MAML2: variants seen among roughly 807,000 people sequenced by gnomAD.
The protein encoded by MAML2 is mastermind-like protein 2.
In MAML2, 22 loss-of-function variants were observed where a neutral mutation model predicts 96.1. That is an observed-to-expected ratio of 0.23 (90% CI 0.16 to 0.33). The LOEUF (loss-of-function observed/expected upper bound fraction) is 0.33. Among genes scored for constraint, MAML2 ranks in the 10% least tolerant of loss-of-function variants. MAML2 has a pLI of 1.00. For synonymous variants in MAML2, 561 were observed against 521.3 expected, an observed-to-expected ratio of 1.08 and a Z score of -1.04; for missense variants, 1,367 against 1,392.4, an observed-to-expected ratio of 0.98 and a Z score of 0.29.
In MAML2 at chr11:96,145,691, C is replaced by A. The variant is rs551253326; in HGVS notation, c.514-52174G>T. On this transcript the variant is annotated intron_variant, in intron 1 of 4. Transcript: ENST00000524717. ...ATTAAAGGGACTGTCCTGATAAAAT[C>A]ATGATGTGTGAGGGCTTTTAAAAAT... Among the ~76,000 whole-genome samples, 16 of 152,262 alleles carry A rather than the reference C, an allele frequency of 1.1e-4. No individual in the cohort carries two copies. The East Asian group carries it at 3.1e-3, about 29-fold the overall frequency.
At chr11:96,035,638 G>A (rs927797631) in intron 2 of MAML2, among the ~76,000 whole-genome samples, 94 of 152,190 alleles carry the variant, frequency 6.2e-4, no homozygotes, top group African/African-American at 2.2e-3. Context: ...TCAGAAGGAA[G>A]GAAGCACAGA....
At chr11:96,133,208 A>G (rs1352372377) in intron 1 of MAML2, among the ~76,000 whole-genome samples, 2 of 152,244 alleles carry the variant, frequency 1.3e-5, no homozygotes, top group Non-Finnish European at 2.9e-5. Context: ...AAAAGGAACC[A>G]TTAAAAGAAA....
chr11:96,082,410 A>C (rs1859541019), intron 2 of MAML2, among the ~76,000 whole-genome samples: 1 of 152,156 alleles, frequency 6.6e-6, no homozygotes, highest in Non-Finnish European at 1.5e-5. Context: ...AAAAGGAGTG[A>C]TTATAGCAAC....
At chr11:96,173,521 G>A (rs1372159261) in intron 1 of MAML2, among the ~76,000 whole-genome samples, 1 of 152,130 alleles carries the variant, frequency 6.6e-6, no homozygotes, top group Non-Finnish European at 1.5e-5. Flanking sequence ...AAACGGGTAG[G>A]ACACTAAGAG....
At chr11:96,115,311 G>A (rs571702334) in intron 1 of MAML2, among the ~76,000 whole-genome samples, 68 of 151,994 alleles carry the variant, frequency 4.5e-4, no homozygotes, top group African/African-American at 1.5e-3. Context: ...CTACAGGTGT[G>A]TACCATCATG....
intron 1 of MAML2, among the ~76,000 whole-genome samples, chr11:96,165,400 A>G (rs1861175447): frequency 6.6e-6 from 1 of 152,206 alleles, no homozygotes; most frequent in African/African-American, 2.4e-5. Flanking sequence ...ACACACTTTA[A>G]GAACCAAAGT....
intron 1 of MAML2, among the ~76,000 whole-genome samples, chr11:96,252,856 A>G (rs1042179447): frequency 6.6e-6 from 1 of 152,232 alleles, no homozygotes; most frequent in Admixed American, 6.5e-5. Context: ...CCTATGAGAA[A>G]AGCAGTTTAA....
chr11:96,021,194 T>C (rs762508186), intron 2 of MAML2, among the ~76,000 whole-genome samples: 1 of 152,216 alleles, frequency 6.6e-6, no homozygotes, highest in Non-Finnish European at 1.5e-5. Flanking sequence ...CTTGTCACAC[T>C]GTATAGGTTT....
At chr11:96,267,174 T>G (rs1033565183) in intron 1 of MAML2, among the ~76,000 whole-genome samples, 19 of 152,132 alleles carry the variant, frequency 1.2e-4, no homozygotes, top group African/African-American at 4.6e-4. Context: ...AAAACAATAG[T>G]GGAGTCAGTG....
At chr11:95,981,930 C>G (rs1395166125) in intron 4 of MAML2, among the ~76,000 whole-genome samples, 6 of 152,050 alleles carry the variant, frequency 3.9e-5, no homozygotes, top group Non-Finnish European at 7.4e-5. Flanking sequence ...TCTTTTTAAA[C>G]AACCAGAATA....
At position 95,978,982 on chromosome 11, in the gene MAML2, A is replaced by T; in HGVS notation, c.3437T>A (p.Ile1146Asn). The stretch of plus-strand genomic sequence containing the variant: ...GTTCCCCAAGATTTCATCAAGATTG[A>T]TGTCTTTCATCCAGTCATCATTACC... Reference protein sequence around the residue: ...EPGNDDWMKDINLDEILGNNS With the variant: ...EPGNDDWMKDNNLDEILGNNS Residue 1146 changes from isoleucine (I) to asparagine (N), a missense_variant, in exon 5 of 5, where the codon ATC becomes AAC. Coordinates refer to ENST00000524717, the MANE Select transcript of MAML2 (RefSeq NM_032427.4). 4 of 1,611,498 alleles carry T rather than the reference A, an allele frequency of 2.5e-6. No homozygotes were observed. Among genetic ancestry groups the T allele is most frequent in the Non-Finnish European group, 3.4e-6 (4 of 1,179,144 alleles).
intron 2 of MAML2, among the ~76,000 whole-genome samples, chr11:96,068,490 G>GGA (rs139120762): frequency 7.9e-4 from 64 of 81,238 alleles, no homozygotes; most frequent in African/African-American, 1.9e-3. Flanking sequence ...AGGGAGGGAG[G>GGA]GAGAGAGAGA....
At chr11:96,261,136 C>T (rs980099061) in intron 1 of MAML2, among the ~76,000 whole-genome samples, 2 of 152,102 alleles carry the variant, frequency 1.3e-5, no homozygotes, top group South Asian at 4.1e-4. Context: ...CATGAAGGCT[C>T]TGTCCTCATA....
At chr11:96,240,569 A>C (rs949065612) in intron 1 of MAML2, among the ~76,000 whole-genome samples, 2 of 146,026 alleles carry the variant, frequency 1.4e-5, no homozygotes, top group Non-Finnish European at 1.5e-5. Flanking sequence ...AAAAAAAAAA[A>C]AAAAAAAAAA....
At chr11:96,213,108 G>A (rs1164680990) in intron 1 of MAML2, among the ~76,000 whole-genome samples, 1 of 152,150 alleles carries the variant, frequency 6.6e-6, no homozygotes, top group Admixed American at 6.5e-5. Flanking sequence ...CCAAGATACA[G>A]AGAGTTTAGA....
chr11:96,123,527 CA>C (rs1051579335), intron 1 of MAML2, among the ~76,000 whole-genome samples: 9 of 152,180 alleles, frequency 5.9e-5, no homozygotes, highest in African/African-American at 2.2e-4. Flanking sequence ...GCAGTGCCCC[CA>C]ACTAGGCTAC....
intron 1 of MAML2, among the ~76,000 whole-genome samples, chr11:96,111,007 C>T (rs1181430199): frequency 6.6e-6 from 1 of 152,162 alleles, no homozygotes; most frequent in African/African-American, 2.4e-5. Flanking sequence ...CATGTATTAT[C>T]AAGCCTATCA....
rs540260973 is a variant in MAML2, at chr11:96,316,215, C to T, written c.513+25168G>A. Among the ~76,000 whole-genome samples, 7 of 152,316 alleles carry T rather than the reference C, an allele frequency of 4.6e-5. No individual in the cohort carries two copies. The South Asian group carries it at 1.5e-3, about 32-fold the overall frequency. Reference sequence around the variant, plus strand: ...TTCTGGAATAGAATAAGTCAGGGTACTTGCTTGCCCATTCAAGAAGCAACC... The same window carrying T: ...TTCTGGAATAGAATAAGTCAGGGTATTTGCTTGCCCATTCAAGAAGCAACC... On this transcript the variant is annotated intron_variant, in intron 1 of 4. Coordinates refer to ENST00000524717, the MANE Select transcript of MAML2 (RefSeq NM_032427.4).
intron 1 of MAML2, among the ~76,000 whole-genome samples, chr11:96,097,340 G>T (rs1047145975): frequency 5.3e-5 from 8 of 152,196 alleles, no homozygotes; most frequent in African/African-American, 1.9e-4. Flanking sequence ...AAAGGCAAGG[G>T]TTTAAATAGA....
Sources: allele counts gnomAD v4.1 joint callset (sites outside exome capture counted in the v4.1 genomes callset), GRCh38; gene constraint gnomAD v4.1.1; transcripts MANE v1.5; gene names NCBI Gene and HGNC (gene_info 2026-07-23, HGNC 2026-07-21).